TGFB2: variants seen among roughly 807,000 people sequenced by gnomAD.
TGFB2 encodes the protein transforming growth factor beta-2 proprotein.
A neutral mutation model predicts 42.7 loss-of-function variants in TGFB2; 13 were observed. The ratio of observed to expected loss-of-function variants is 0.30; its 90% CI spans 0.20 to 0.48. The LOEUF (loss-of-function observed/expected upper bound fraction) is 0.48, where lower values mean the gene tolerates loss of function less well. TGFB2 is among the 20% of genes least tolerant of loss of function. The pLI, the probability that TGFB2 is intolerant of heterozygous loss-of-function variation, is 0.99. For synonymous variants in TGFB2, 193 were observed against 193.6 expected (o/e 1.00, Z 0.03); for missense variants, 390 against 517.5 (o/e 0.75, Z 2.39).
At chr1:218,363,490 G>T in intron 1 of TGFB2, 1 of 1,451,704 alleles carries the variant, frequency 6.9e-7, no homozygotes, top group Non-Finnish European at 9.6e-7. Flanking sequence ...TTTGTCTCCT[G>T]TGGGGAACTT....
rs545980031 is a variant in TGFB2 at position 218,367,340 on chromosome 1, C to T, written c.346+20293C>T. On this transcript the variant is annotated intron_variant, in intron 1 of 6. Coordinates refer to ENST00000366930, the MANE Select transcript of TGFB2 (RefSeq NM_003238.6). ...ACTTTACTATCTCAGCCAAACTCAG[C>T]TTTGGGTAACTGCAGGTTTCTCTTT... 2.0e-5 allele frequency among the ~76,000 whole-genome samples: 3 copies of T among 152,296 alleles called. No individual in the cohort carries two copies. In the East Asian group the frequency reaches 5.8e-4, roughly 29 times the overall value.
At chr1:218,379,267 G>A (rs1318681301) in intron 1 of TGFB2, among the ~76,000 whole-genome samples, 2 of 151,412 alleles carry the variant, frequency 1.3e-5, no homozygotes, top group African/African-American at 4.8e-5. Flanking sequence ...TGAGTAGCTG[G>A]GACTACAGGC....
chr1:218,420,336 G>T (rs140392284), intron 2 of TGFB2, among the ~76,000 whole-genome samples: 41 of 152,126 alleles, frequency 2.7e-4, no homozygotes, highest in Non-Finnish European at 5.9e-4. Flanking sequence ...CCCCTCTCTC[G>T]CCTGGTCTAT....
chr1:218,350,266 T>TG (rs1205327207), intron 1 of TGFB2, among the ~76,000 whole-genome samples: 6 of 152,222 alleles, frequency 3.9e-5, no homozygotes, highest in Admixed American at 6.5e-5. Context: ...CAGCACATGT[T>TG]GTGGTTCTAA....
chr1:218,419,792 G>C (rs1659395134), intron 2 of TGFB2, among the ~76,000 whole-genome samples: 1 of 152,098 alleles, frequency 6.6e-6, no homozygotes, highest in Non-Finnish European at 1.5e-5. Context: ...CTTATTCAGA[G>C]CTAATTCTGA....
intron 1 of TGFB2, among the ~76,000 whole-genome samples, chr1:218,372,134 C>T (rs972296630): frequency 1.3e-5 from 2 of 152,054 alleles, no homozygotes; most frequent in East Asian, 3.9e-4. Context: ...TTCCAGCCTG[C>T]TCTCGGGGTC....
chr1:218,381,027 T>C (rs1319038527), intron 1 of TGFB2, among the ~76,000 whole-genome samples: 2 of 152,196 alleles, frequency 1.3e-5, no homozygotes, highest in Non-Finnish European at 2.9e-5. Flanking sequence ...TTCTCTTCTG[T>C]TCCAAGGTCT....
rs571038914 is a variant in TGFB2 at position 218,427,796 on chromosome 1, G to A, written c.511-6286G>A. On this transcript the variant is annotated intron_variant, in intron 2 of 6. Transcript: ENST00000366930. ...GTGAATAGTGCCGCAATAAACATTCGTGTGCATGTGTCTTTATAGCAGCAT... is the reference window on the plus strand; with the variant it reads ...GTGAATAGTGCCGCAATAAACATTCATGTGCATGTGTCTTTATAGCAGCAT... Among the ~76,000 whole-genome samples the A allele has an allele frequency of 4.0e-4, 61 of 152,230 alleles. No individual in the cohort carries two copies. The East Asian group carries it at 9.1e-3, about 23-fold the overall frequency.
In TGFB2 at chr1:218,437,509, C is replaced by A; in HGVS notation, c.1086+13C>A. On this transcript the variant is annotated intron_variant, in intron 6 of 6. Transcript: ENST00000366930. ...TCAGCACAGCAGGGTGAGTGTTCAGCTTACCTGTTGCCTCTGTTCTTGGGT... is the reference window on the plus strand; with the variant it reads ...TCAGCACAGCAGGGTGAGTGTTCAGATTACCTGTTGCCTCTGTTCTTGGGT... The A allele has an allele frequency of 1.9e-6, 3 of 1,601,772 alleles. No individual in the cohort carries two copies. Among genetic ancestry groups the A allele is most frequent in the Non-Finnish European group, 2.6e-6 (3 of 1,174,612 alleles).
chr1:218,429,385 C>T (rs1659732693), intron 2 of TGFB2, among the ~76,000 whole-genome samples: 1 of 152,198 alleles, frequency 6.6e-6, no homozygotes, highest in African/African-American at 2.4e-5. Flanking sequence ...TAGCATAATC[C>T]TCAGAGTTCA....
At chr1:218,434,014 T>C (rs1659889284) in intron 2 of TGFB2, 68 bp from the exon 3 acceptor site, 1 of 1,589,584 alleles carries the variant, frequency 6.3e-7, no homozygotes, top group African/African-American at 1.3e-5. Context: ...ACACTGTTAA[T>C]AGTTTTGGTT....
rs1656681789 is a variant in TGFB2, at chr1:218,346,496, A to G, written c.-206A>G. On this transcript the variant is annotated 5_prime_UTR_variant, in exon 1 of 7. Transcript: ENST00000366930. This position sits in a 1 kb window ranked among gnomAD's most constrained non-coding sequence, Gnocchi z 4.9. ...CCCGTATTAATATTTCCACTTTTGG[A>G]ACTACTGGCCTTTTCTTTTTAAAGG... 2.0e-6 allele frequency: 1 copy of G among 506,940 alleles called. No individual in the cohort carries two copies. Among genetic ancestry groups the G allele is most frequent in the Admixed American group, 4.1e-5 (1 of 24,498 alleles). The allele number at this position is 506,940 out of a possible 1,614,324, so 31.4% of individuals were successfully genotyped here. A position where few individuals can be genotyped will look rare whatever the true frequency, so the allele number is the denominator to read the frequency against.
intron 1 of TGFB2, among the ~76,000 whole-genome samples, chr1:218,376,665 C>A (rs1386535833): frequency 6.6e-6 from 1 of 152,160 alleles, no homozygotes; most frequent in East Asian, 1.9e-4. Context: ...CAGATGTGTA[C>A]CTGACAGCTG....
chr1:218,431,106 T>C (rs1180232848), intron 2 of TGFB2, among the ~76,000 whole-genome samples: 1 of 152,182 alleles, frequency 6.6e-6, no homozygotes, highest in Non-Finnish European at 1.5e-5. Context: ...CGCTACTGTG[T>C]TTGAGAATTA....
chr1:218,399,254 C>T (rs1198803483), intron 1 of TGFB2, among the ~76,000 whole-genome samples: 2 of 152,156 alleles, frequency 1.3e-5, no homozygotes, highest in African/African-American at 2.4e-5. Context: ...TACCCTTCAA[C>T]AGCTTCTCCT....
At chr1:218,363,079 A>G (rs1477861983) in intron 1 of TGFB2, among the ~76,000 whole-genome samples, 1 of 152,246 alleles carries the variant, frequency 6.6e-6, no homozygotes, top group Non-Finnish European at 1.5e-5. Flanking sequence ...TAACATTAGA[A>G]CGTGCTAAAG....
intron 1 of TGFB2, among the ~76,000 whole-genome samples, chr1:218,380,717 G>T (rs182081545): frequency 6.6e-6 from 1 of 152,054 alleles, no homozygotes; most frequent in Admixed American, 6.6e-5. Context: ...TGAATAGAGT[G>T]GGGGTGGGTC....
Position 218,346,109 on chromosome 1 carries a change from CT to C in TGFB2, c.-592del. On this transcript the variant is annotated 5_prime_UTR_variant, in exon 1 of 7. Transcript: ENST00000366930. This position sits in a 1 kb window ranked among gnomAD's most constrained non-coding sequence, Gnocchi z 4.9. ...ACGCACACACGTGTGCGCTTCTCTG[CT>C]CCGGAGCTGCTGCTGCTCCTGCTCT... 1 of 155,176 alleles carries C rather than the reference CT, an allele frequency of 6.4e-6. No individual in the cohort carries two copies. Among genetic ancestry groups the C allele is most frequent in the Non-Finnish European group, 1.4e-5 (1 of 70,630 alleles). 9.6% of individuals were successfully genotyped at this position (155,176 alleles called of 1,614,324 possible). A position where few individuals can be genotyped will look rare whatever the true frequency, so the allele number is the denominator to read the frequency against.
At position 218,397,673 on chromosome 1, in the gene TGFB2, A is replaced by G. The variant is rs1214373409; in HGVS notation, c.347-7496A>G. On this transcript the variant is annotated intron_variant, in intron 1 of 6. Coordinates refer to ENST00000366930, the MANE Select transcript of TGFB2 (RefSeq NM_003238.6). ...GCAGTTCTGAAATGTTAGGGTACAT[A>G]GGAATTGCTCAAGGAGTTTGCTAAA... Among the ~76,000 whole-genome samples, 3 of 152,080 alleles carry G rather than the reference A, an allele frequency of 2.0e-5. No homozygotes were observed. The South Asian group carries it at 6.2e-4, about 32-fold the overall frequency.
Sources: allele counts gnomAD v4.1 joint callset (sites outside exome capture counted in the v4.1 genomes callset), GRCh38; gene constraint gnomAD v4.1.1; non-coding constraint Gnocchi (gnomAD v3.1); transcripts MANE v1.5; gene names NCBI Gene and HGNC (gene_info 2026-07-23, HGNC 2026-07-21).